NTF4: variants seen among roughly 807,000 people sequenced by gnomAD.
The protein encoded by NTF4 is neurotrophin-4.
NTF4 carries 2 observed loss-of-function variants against 4.4 expected under a neutral mutation model. The ratio of observed to expected loss-of-function variants is 0.46; its 90% CI spans 0.19 to 1.44. NTF4 has a LOEUF of 1.44. NTF4 is among the 40% of genes most tolerant of loss of function. The pLI, the probability that NTF4 is intolerant of heterozygous loss-of-function variation, is 0.26. For missense variants in NTF4, 260 were observed against 293.0 expected (o/e 0.89, Z 0.82); for synonymous variants, 127 against 122.0 (o/e 1.04, Z -0.27).
In NTF4 at chr19:49,061,914, G is replaced by A; in HGVS notation, c.84C>T (p.Pro28=). 3 of 1,528,800 alleles carry A rather than the reference G, an allele frequency of 2.0e-6. No individual in the cohort carries two copies. Among genetic ancestry groups the A allele is most frequent in the Non-Finnish European group, 2.7e-6 (3 of 1,128,810 alleles). 94.7% of individuals were successfully genotyped at this position (1,528,800 alleles called of 1,614,324 possible). The change falls in exon 1 of 1, where the codon CCC becomes CCT. Residue 28 remains proline, a synonymous_variant. Coordinates refer to ENST00000593537, the Ensembl canonical transcript of NTF4. The surrounding 1 kb of genome is among the most constrained non-coding windows in gnomAD (Gnocchi z 4.9). ...GGGCCAGAAAAGGGGGCAATGTTGA[G>A]GGTGGGGGTTGGGACTCAATTGGCA...
rs924409835 is a variant in NTF4, at chr19:49,061,608, A to G, written c.390T>C (p.Ser130=). The G allele has an allele frequency of 4.3e-6, 7 of 1,613,526 alleles. No homozygotes were observed. In the Admixed American group the frequency reaches 8.3e-5, roughly 19 times the overall value. ...TTTCAAAGAAGTACTGGCGGAGGGGACTGCCGCCAGCTGCAGGCACCTCGC... is the reference window on the plus strand; with the variant it reads ...TTTCAAAGAAGTACTGGCGGAGGGGGCTGCCGCCAGCTGCAGGCACCTCGC... Residue 130 remains serine, a synonymous_variant, in exon 1 of 1, where the codon AGT becomes AGC. Transcript: ENST00000593537. This position sits in a 1 kb window ranked among gnomAD's most constrained non-coding sequence, Gnocchi z 4.9.
At chr19:49,059,073 TACAG>T (rs777325626), downstream of NTF4, among the ~76,000 whole-genome samples, 3 of 151,874 alleles carry the variant, frequency 2.0e-5, no homozygotes, top group Non-Finnish European at 4.4e-5. Context: ...GTGTCAGAGA[TACAG>T]ACAGAGACCC....
upstream of NTF4, among the ~76,000 whole-genome samples, chr19:49,063,458 C>T (rs954852120): frequency 2.0e-5 from 3 of 151,974 alleles, no homozygotes. Context: ...GCTGGGACTA[C>T]AGACTCAAGC....
Position 49,061,137 on chromosome 19 carries a change from T to G in NTF4, c.*228A>C. On this transcript the variant is annotated 3_prime_UTR_variant, in exon 1 of 1. Transcript: ENST00000593537. The surrounding 1 kb of genome is among the most constrained non-coding windows in gnomAD (Gnocchi z 4.9). ...GTAAACACTCAGTAAATAGTGGCTA[T>G]TATTATTATATCATCATCATTATTA... 8.9e-6 allele frequency: 6 copies of G among 673,212 alleles called. No homozygotes were observed. Among genetic ancestry groups the G allele is most frequent in the Non-Finnish European group, 1.2e-5 (5 of 408,018 alleles). 41.7% of individuals were successfully genotyped at this position (673,212 alleles called of 1,614,324 possible). A position where few individuals can be genotyped will look rare whatever the true frequency, so the allele number is the denominator to read the frequency against.
At chr19:49,062,495 A>G (rs1421804094), upstream of NTF4, among the ~76,000 whole-genome samples, 2 of 151,592 alleles carry the variant, frequency 1.3e-5, no homozygotes, top group Non-Finnish European at 2.9e-5. Context: ...TCTCAAAAGT[A>G]AAAATAAGGC....
chr19:49,061,401 G>T lies in NTF4; in HGVS notation c.597C>A (p.Cys199Ter). 1.2e-6 allele frequency: 2 copies of T among 1,613,164 alleles called. No homozygotes were observed. Among genetic ancestry groups the T allele is most frequent in the South Asian group, 2.2e-5 (2 of 91,036 alleles). ...CAGTCCGGCTGAGGAGTGTGCAGAC[G>T]CAGGCAGTGTCAATTCGAATCCATC... Residue 199 changes from cysteine to a stop codon, truncating the protein, a stop_gained, in exon 1 of 1, where the codon TGC (cysteine) becomes TGA (stop). Coordinates refer to ENST00000593537, the Ensembl canonical transcript of NTF4. LOFTEE classifies it high-confidence loss of function. The surrounding 1 kb of genome is among the most constrained non-coding windows in gnomAD (Gnocchi z 4.9).
At chr19:49,058,455 C>T, downstream of NTF4, 5 of 629,472 alleles carry the variant, frequency 7.9e-6, no homozygotes, top group Non-Finnish European at 1.1e-5. Context: ...CCTCTGCAGT[C>T]CCTGGCATCC....
chr19:49,060,040 A>C (rs1434314325), downstream of NTF4, among the ~76,000 whole-genome samples: 1 of 120,166 alleles, frequency 8.3e-6, no homozygotes, highest in African/African-American at 3.0e-5. Flanking sequence ...CCATCTCAAA[A>C]AAAAAAAAAA....
At chr19:49,059,539 G>A (rs1391902209), downstream of NTF4, among the ~76,000 whole-genome samples, 1 of 152,168 alleles carries the variant, frequency 6.6e-6, no homozygotes, top group East Asian at 1.9e-4. Flanking sequence ...AGTCACAGAT[G>A]GAAAACAAGG....
At chr19:49,064,357 C>G, upstream of NTF4, 1 of 153,896 alleles carries the variant, frequency 6.5e-6, no homozygotes, top group South Asian at 1.9e-4. Flanking sequence ...CAACCAGGAC[C>G]GCCTTCTCCC....
downstream of NTF4, chr19:49,060,954 T>C (rs1006574246): frequency 9.3e-6 from 2 of 213,960 alleles, no homozygotes; most frequent in Non-Finnish European, 1.9e-5. Context: ...TGTTCTAGTT[T>C]CTCTCCTCCT....
chr19:49,061,214 G>A lies in NTF4; in HGVS notation c.*151C>T, dbSNP rs1407462824. 10 of 1,474,684 alleles carry A rather than the reference G, an allele frequency of 6.8e-6. No individual in the cohort carries two copies. The highest frequency in any genetic ancestry group is 2.0e-5 in the Admixed American group (1 of 49,078). 91.3% of individuals were successfully genotyped at this position (1,474,684 alleles called of 1,614,324 possible). On this transcript the variant is annotated 3_prime_UTR_variant, in exon 1 of 1. Coordinates refer to ENST00000593537, the Ensembl canonical transcript of NTF4. This position sits in a 1 kb window ranked among gnomAD's most constrained non-coding sequence, Gnocchi z 4.9. ...TATTCAACCTCCAAAACCCCATGTG[G>A]TTTCACCCATCCTGCAGAGATTGAG... is the stretch of plus-strand genomic sequence containing the variant.
chr19:49,059,487 CTG>C (rs1459697096), downstream of NTF4, among the ~76,000 whole-genome samples: 1 of 152,118 alleles, frequency 6.6e-6, no homozygotes, highest in African/African-American at 2.4e-5. Flanking sequence ...GCGACAGACA[CTG>C]GAAGTTAGAG....
chr19:49,061,119 C>G lies in NTF4; in HGVS notation c.*246G>C. On this transcript the variant is annotated 3_prime_UTR_variant, in exon 1 of 1. Coordinates refer to ENST00000593537, the Ensembl canonical transcript of NTF4. The surrounding 1 kb of genome is among the most constrained non-coding windows in gnomAD (Gnocchi z 4.9). ...TATTAGGGATAAGAAACAGTAAACACTCAGTAAATAGTGGCTATTATTATT... is the reference window on the plus strand; with the variant it reads ...TATTAGGGATAAGAAACAGTAAACAGTCAGTAAATAGTGGCTATTATTATT... 1.6e-6 allele frequency: 1 copy of G among 632,390 alleles called. No individual in the cohort carries two copies. Among genetic ancestry groups the G allele is most frequent in the East Asian group, 2.9e-5 (1 of 34,152 alleles). The allele number at this position is 632,390 out of a possible 1,614,324, so 39.2% of individuals were successfully genotyped here. A position where few individuals can be genotyped will look rare whatever the true frequency, so the allele number is the denominator to read the frequency against.
Position 49,061,601 on chromosome 19 carries a change from G to C in NTF4, c.397C>G (p.Arg133Gly). Reference sequence around the variant, plus strand: ...CAGCGGGTTTCAAAGAAGTACTGGCGGAGGGGACTGCCGCCAGCTGCAGGC... The same window carrying C: ...CAGCGGGTTTCAAAGAAGTACTGGCCGAGGGGACTGCCGCCAGCTGCAGGC... The change falls in exon 1 of 1, where the codon CGC (arginine) becomes GGC (glycine). Residue 133 changes from arginine to glycine, a missense_variant. Physicochemically the swap from Arg to Gly is moderately radical, Grantham distance 125 (BLOSUM62 -2). Transcript: ENST00000593537. The surrounding 1 kb of genome is among the most constrained non-coding windows in gnomAD (Gnocchi z 4.9). 5.6e-6 allele frequency: 9 copies of C among 1,613,878 alleles called. No individual in the cohort carries two copies. Among genetic ancestry groups the C allele is most frequent in the Non-Finnish European group, 7.6e-6 (9 of 1,180,010 alleles).
chr19:49,060,452 C>T (rs577510908), downstream of NTF4, among the ~76,000 whole-genome samples: 12 of 152,298 alleles, frequency 7.9e-5, no homozygotes, highest in African/African-American at 2.6e-4. Context: ...CTACCTCACC[C>T]TTCAGAGTAG....
chr19:49,064,119 G>A (rs34619524), upstream of NTF4: 1,297 of 152,366 alleles, frequency 8.5e-3, 55 homozygotes, highest in Admixed American at 0.061. Context: ...CATCCCCCTC[G>A]GCCCATTCAT....
downstream of NTF4, among the ~76,000 whole-genome samples, chr19:49,059,182 C>T (rs924322600): frequency 6.6e-6 from 1 of 152,146 alleles, no homozygotes; most frequent in Admixed American, 6.5e-5. Context: ...CTCTGCCAGG[C>T]CTGCCCACCT....
At chr19:49,064,323 G>A (rs984096580), upstream of NTF4, 7 of 153,372 alleles carry the variant, frequency 4.6e-5, no homozygotes, top group Non-Finnish European at 1.0e-4. Context: ...GAAGGGTGGA[G>A]AGTGAAAGGA....
Sources: allele counts gnomAD v4.1 joint callset (sites outside exome capture counted in the v4.1 genomes callset), GRCh38; gene constraint gnomAD v4.1.1; non-coding constraint Gnocchi (gnomAD v3.1); transcripts MANE v1.5; gene names NCBI Gene and HGNC (gene_info 2026-07-23, HGNC 2026-07-21).